Variants in STIM1 observed in about 807,000 individuals in gnomAD.
STIM1 encodes stromal interaction molecule 1.
A neutral mutation model predicts 74.7 loss-of-function variants in STIM1; 25 were observed. The ratio of observed to expected loss-of-function variants is 0.33; its 90% confidence interval spans 0.24 to 0.47. STIM1 has a LOEUF of 0.47. STIM1 is among the 20% of genes least tolerant of loss of function. The probability of loss-of-function intolerance (pLI) is 1.00; values close to 1 mark genes in which losing one functional copy is unlikely to be tolerated. For synonymous variants in STIM1, 328 were observed against 348.8 expected, an observed-to-expected ratio of 0.94 and a Z score of 0.66; for missense variants, 728 against 920.8, an observed-to-expected ratio of 0.79 and a Z score of 2.71.
intron 2 of STIM1, chr11:3,989,465 T>C (rs1162845959): frequency 5.9e-6 from 4 of 673,904 alleles, no homozygotes; most frequent in African/African-American, 5.4e-5. Flanking sequence ...TTAGGCATCC[T>C]GGCGGCGTGG....
intron 3 of STIM1, among the ~76,000 whole-genome samples, chr11:4,027,539 C>G (rs145729812): frequency 2.6e-5 from 4 of 152,278 alleles, no homozygotes; most frequent in Admixed American, 6.5e-5. Context: ...TGGTCTCAAT[C>G]TCTTGACCTC....
chr11:4,060,927 G>A (rs970757792), intron 5 of STIM1, among the ~76,000 whole-genome samples: 1 of 152,122 alleles, frequency 6.6e-6, no homozygotes, highest in Admixed American at 6.5e-5. Flanking sequence ...AAGATGAGAA[G>A]TGGCCTTATT....
intron 3 of STIM1, among the ~76,000 whole-genome samples, chr11:4,030,338 AAAAAG>A (rs1262503030): frequency 2.5e-4 from 38 of 151,550 alleles, no homozygotes; most frequent in African/African-American, 8.7e-4. Flanking sequence ...AAAAAAAAAA[AAAAAG>A]AAAGAAAGAA....
At chr11:3,967,773 A>T in intron 2 of STIM1, 91 bp downstream of exon 2, 1 of 1,570,056 alleles carries the variant, frequency 6.4e-7, no homozygotes, top group Non-Finnish European at 8.7e-7. Flanking sequence ...CTGGGGAGAG[A>T]TGTTCTCTGC....
At chr11:3,948,983 T>A (rs2093112469) in intron 1 of STIM1, among the ~76,000 whole-genome samples, 1 of 152,236 alleles carries the variant, frequency 6.6e-6, no homozygotes, top group Non-Finnish European at 1.5e-5. Flanking sequence ...TGTGCCATGC[T>A]CTATTTGAAG....
chr11:3,923,290 A>G (rs1296370869), intron 1 of STIM1, among the ~76,000 whole-genome samples: 1 of 151,962 alleles, frequency 6.6e-6, no homozygotes, highest in Non-Finnish European at 1.5e-5. Flanking sequence ...TGTATAACCA[A>G]TTGATCCAAC....
At chr11:4,013,033 A>G (rs181631093) in intron 2 of STIM1, among the ~76,000 whole-genome samples, 1 of 152,194 alleles carries the variant, frequency 6.6e-6, no homozygotes, top group Non-Finnish European at 1.5e-5. Context: ...ATGTTTATTG[A>G]TCTGCATATG....
chr11:3,912,371 AT>A (rs1219718672), intron 1 of STIM1, among the ~76,000 whole-genome samples: 8 of 146,144 alleles, frequency 5.5e-5, no homozygotes, highest in African/African-American at 1.3e-4. Context: ...TTGGGAATAA[AT>A]TTTTTTTTTT....
At chr11:3,934,387 G>C (rs1278973355) in intron 1 of STIM1, among the ~76,000 whole-genome samples, 2 of 152,034 alleles carry the variant, frequency 1.3e-5, no homozygotes, top group Non-Finnish European at 2.9e-5. Context: ...TGTACCTTCT[G>C]TTCCCTCATC....
chr11:4,077,121 G>A (rs1383590052), intron 7 of STIM1, among the ~76,000 whole-genome samples: 7 of 151,556 alleles, frequency 4.6e-5, no homozygotes, highest in Admixed American at 4.6e-4. Flanking sequence ...AAATTAAGCA[G>A]GAGTAGCTAT....
intron 1 of STIM1, among the ~76,000 whole-genome samples, chr11:3,858,751 C>T (rs1387316336): frequency 6.6e-6 from 1 of 152,236 alleles, no homozygotes; most frequent in East Asian, 1.9e-4. Flanking sequence ...TTCAACATAC[C>T]CAGTCAATTT....
At chr11:4,022,272 G>A (rs2093961804) in intron 2 of STIM1, among the ~76,000 whole-genome samples, 1 of 147,942 alleles carries the variant, frequency 6.8e-6, no homozygotes, top group Non-Finnish European at 1.5e-5. Flanking sequence ...GGAGGTGGAG[G>A]TTGCAGTCAG....
chr11:3,892,510 A>C, intron 1 of STIM1: 2 of 1,581,966 alleles, frequency 1.3e-6, no homozygotes. Flanking sequence ...CAAAGACCAC[A>C]TGCTTGCCAT....
chr11:3,946,444 G>A (rs2093074616), intron 1 of STIM1, among the ~76,000 whole-genome samples: 1 of 152,142 alleles, frequency 6.6e-6, no homozygotes, highest in African/African-American at 2.4e-5. Flanking sequence ...AGATGCTTCT[G>A]AGGTGATGTT....
intron 1 of STIM1, among the ~76,000 whole-genome samples, chr11:3,919,101 A>G (rs768202374): frequency 3.3e-5 from 5 of 152,168 alleles, no homozygotes; most frequent in Non-Finnish European, 7.4e-5. Flanking sequence ...CTGACATTTT[A>G]TAATAGAGAT....
At chr11:3,900,379 G>A (rs1364081326) in intron 1 of STIM1, among the ~76,000 whole-genome samples, 3 of 152,174 alleles carry the variant, frequency 2.0e-5, no homozygotes, top group Non-Finnish European at 4.4e-5. Flanking sequence ...CTGACCCCTT[G>A]CACTTCCCGA....
At chr11:3,972,247 C>T (rs2093403276) in intron 2 of STIM1, among the ~76,000 whole-genome samples, 1 of 152,206 alleles carries the variant, frequency 6.6e-6, no homozygotes, top group Admixed American at 6.5e-5. Context: ...ACCCCAGTTA[C>T]AGATCTTTTA....
intron 1 of STIM1, among the ~76,000 whole-genome samples, chr11:3,896,317 A>G (rs951374797): frequency 3.9e-5 from 6 of 152,070 alleles, no homozygotes; most frequent in African/African-American, 1.4e-4. Flanking sequence ...GTTTTCTCAC[A>G]TTTTGTGGTA....
intron 2 of STIM1, among the ~76,000 whole-genome samples, chr11:4,009,108 A>G (rs1470831590): frequency 2.0e-5 from 3 of 149,384 alleles, no homozygotes; most frequent in East Asian, 2.0e-4. Context: ...TGGCTAACAC[A>G]GTGAAACCGC....
Sources: allele counts gnomAD v4.1 joint callset (sites outside exome capture counted in the v4.1 genomes callset), GRCh38; gene constraint gnomAD v4.1.1; transcripts MANE v1.5; gene names NCBI Gene and HGNC (gene_info 2026-07-23, HGNC 2026-07-21).